Variants in RFC3 observed in about 807,000 individuals in gnomAD.
RFC3 encodes A1 38 kDa subunit.
A neutral mutation model predicts 45.1 loss-of-function variants in RFC3; 41 were observed. That is an observed-to-expected ratio of 0.91 (90% CI 0.71 to 1.18). The LOEUF is 1.18. RFC3 is among the 50% of genes most tolerant of loss of function. The pLI is 0.00. For synonymous variants in RFC3, 149 were observed against 144.0 expected, an observed-to-expected ratio of 1.03 and a Z score of -0.25; for missense variants, 423 against 428.1, an observed-to-expected ratio of 0.99 and a Z score of 0.10.
intron 8 of RFC3, among the ~76,000 whole-genome samples, chr13:33,861,560 T>C (rs1280870987): frequency 6.6e-6 from 1 of 151,076 alleles, no homozygotes; most frequent in Non-Finnish European, 1.5e-5. Flanking sequence ...CAGGAGAATC[T>C]CTTGAACCCA....
At chr13:33,936,809 A>G (rs1223099933) in intron 8 of RFC3, among the ~76,000 whole-genome samples, 1 of 152,176 alleles carries the variant, frequency 6.6e-6, no homozygotes, top group Non-Finnish European at 1.5e-5. Context: ...TGGTACAGTT[A>G]TGGCACCCAT....
At chr13:33,880,117 C>T (rs113249073) in intron 8 of RFC3, among the ~76,000 whole-genome samples, 2 of 152,286 alleles carry the variant, frequency 1.3e-5, no homozygotes, top group African/African-American at 2.4e-5. Context: ...TCCCCTTTAT[C>T]GTGTAATATA....
intron 7 of RFC3, among the ~76,000 whole-genome samples, chr13:33,833,685 A>G (rs2082124324): frequency 6.6e-6 from 1 of 152,192 alleles, no homozygotes; most frequent in East Asian, 1.9e-4. Context: ...AGTAAGCTAT[A>G]TACATATATT....
At chr13:33,822,898 A>T (rs1389238789) in intron 2 of RFC3, among the ~76,000 whole-genome samples, 1 of 152,194 alleles carries the variant, frequency 6.6e-6, no homozygotes, top group Admixed American at 6.5e-5. Flanking sequence ...ACATAAAATC[A>T]ATAGAAAAAG....
At position 33,830,735 on chromosome 13, in the gene RFC3, C is replaced by T; in HGVS notation, c.590C>T (p.Ser197Phe). The T allele has an allele frequency of 6.2e-7, 1 of 1,610,470 alleles. No homozygotes were observed. Among genetic ancestry groups the T allele is most frequent in the Non-Finnish European group, 8.5e-7 (1 of 1,178,580 alleles). The change falls in exon 6 of 9, where the codon TCT becomes TTT. Residue 197 changes from serine (S) to phenylalanine (F), a missense_variant. Coordinates refer to ENST00000380071, the MANE Select transcript of RFC3 (RefSeq NM_002915.4). Reference sequence around the variant, plus strand: ...TATTTGTAGATTTGCCACGTGTTATCTACTGTGTGTAAGAAGGAAGGTCTG... The same window carrying T: ...TATTTGTAGATTTGCCACGTGTTATTTACTGTGTGTAAGAAGGAAGGTCTG... ...PSIEDICHVL[S>F]TVCKKEGLNL... is the part of the protein sequence containing the mutation.
intron 8 of RFC3, among the ~76,000 whole-genome samples, chr13:33,899,044 C>T (rs2082620254): frequency 6.6e-6 from 1 of 151,384 alleles, no homozygotes; most frequent in Admixed American, 6.6e-5. Flanking sequence ...TATATGACCT[C>T]ATGGCTTCAC....
intron 8 of RFC3, among the ~76,000 whole-genome samples, chr13:33,888,388 T>A (rs1279174435): frequency 6.6e-6 from 1 of 152,216 alleles, no homozygotes; most frequent in Admixed American, 6.6e-5. Context: ...GAGTAGTCAC[T>A]CCTAGTTAAC....
chr13:33,854,071 T>TA (rs1357697582), intron 8 of RFC3, among the ~76,000 whole-genome samples: 1 of 152,214 alleles, frequency 6.6e-6, no homozygotes, highest in African/African-American at 2.4e-5. Flanking sequence ...AGTAGAAAGA[T>TA]ACGAAGAAAT....
chr13:33,825,127 A>G (rs1318425643), intron 3 of RFC3, among the ~76,000 whole-genome samples: 3 of 152,200 alleles, frequency 2.0e-5, no homozygotes, highest in Admixed American at 2.0e-4. Context: ...GATTGAAATT[A>G]ACATTGAATC....
At chr13:33,920,236 C>T (rs2082759731) in intron 8 of RFC3, among the ~76,000 whole-genome samples, 1 of 152,072 alleles carries the variant, frequency 6.6e-6, no homozygotes, top group Admixed American at 6.6e-5. Context: ...AGAGAATCTT[C>T]ACAAGGATTA....
chr13:33,905,577 AG>A (rs1396945092), intron 8 of RFC3, among the ~76,000 whole-genome samples: 3 of 152,082 alleles, frequency 2.0e-5, no homozygotes, highest in African/African-American at 7.2e-5. Context: ...TGGAAACTAT[AG>A]GGTCTTCAGG....
chr13:33,964,464 G>A (rs970712273), intron 8 of RFC3, among the ~76,000 whole-genome samples: 5 of 152,166 alleles, frequency 3.3e-5, no homozygotes, highest in Admixed American at 2.6e-4. Context: ...TTTTTGTCCA[G>A]AGTTTCACAA....
intron 8 of RFC3, among the ~76,000 whole-genome samples, chr13:33,893,162 G>T (rs2082574336): frequency 6.6e-6 from 1 of 152,168 alleles, no homozygotes; most frequent in African/African-American, 2.4e-5. Flanking sequence ...CAGAGTGGTT[G>T]TTCAGCAGCA....
At chr13:33,918,283 G>A (rs1409919584) in intron 8 of RFC3, among the ~76,000 whole-genome samples, 1 of 152,130 alleles carries the variant, frequency 6.6e-6, no homozygotes, top group Non-Finnish European at 1.5e-5. Context: ...TTGGATTGGA[G>A]AATTACTAGG....
At chr13:33,958,010 TA>T (rs1258982626) in intron 8 of RFC3, among the ~76,000 whole-genome samples, 1 of 152,120 alleles carries the variant, frequency 6.6e-6, no homozygotes, top group East Asian at 1.9e-4. Context: ...ACGAGAGTTT[TA>T]AAAAAATCAT....
chr13:33,945,579 A>G (rs887998733), intron 8 of RFC3, among the ~76,000 whole-genome samples: 2 of 152,136 alleles, frequency 1.3e-5, no homozygotes, highest in Non-Finnish European at 2.9e-5. Flanking sequence ...TGAGTCAGTG[A>G]GGCATTATGA....
intron 8 of RFC3, among the ~76,000 whole-genome samples, chr13:33,959,078 C>T (rs987270012): frequency 6.6e-6 from 1 of 152,154 alleles, no homozygotes; most frequent in African/African-American, 2.4e-5. Flanking sequence ...GCCTCTTTCA[C>T]CCCAGTTGCT....
At chr13:33,954,189 A>G (rs554458927) in intron 8 of RFC3, among the ~76,000 whole-genome samples, 1 of 152,328 alleles carries the variant, frequency 6.6e-6, no homozygotes, top group Non-Finnish European at 1.5e-5. Flanking sequence ...CTCAAGCAAA[A>G]TATACATTTT....
chr13:33,936,506 G>A (rs9539261), intron 8 of RFC3, among the ~76,000 whole-genome samples: 81,677 of 151,894 alleles, frequency 0.54, 22,609 homozygotes, highest in Middle Eastern at 0.62. Context: ...GAGGCTATTA[G>A]GATAGGACCT....
Sources: gnomAD v4.1 joint callset for allele counts (sites outside exome capture counted in the v4.1 genomes callset) on GRCh38, gnomAD v4.1.1 for gene constraint, MANE v1.5 for transcripts, NCBI Gene and HGNC (gene_info 2026-07-23, HGNC 2026-07-21) for gene names.